ACO1: variants seen among roughly 807,000 people sequenced by gnomAD.
ACO1 encodes aconitase 1, also known as cytoplasmic aconitate hydratase.
A neutral mutation model predicts 105.1 loss-of-function variants in ACO1; 78 were observed. That is an observed-to-expected ratio of 0.74 (90% confidence interval 0.62 to 0.90). ACO1 has a LOEUF of 0.90. Ranked by LOEUF, ACO1 falls within the 40% of genes least tolerant of loss-of-function variation. The probability of loss-of-function intolerance (pLI) is 0.00; values close to 1 mark genes in which losing one functional copy is unlikely to be tolerated. For synonymous variants in ACO1, 364 were observed against 397.4 expected (o/e 0.92, Z 1.00); for missense variants, 965 against 1,111.1 (o/e 0.87, Z 1.87).
In ACO1 at chr9:32,432,484, G is replaced by A. The variant is rs552676578; in HGVS notation, c.1851+641G>A. 9.2e-5 allele frequency among the ~76,000 whole-genome samples: 14 copies of A among 152,246 alleles called. No homozygotes were observed. In the South Asian group the frequency reaches 2.3e-3, roughly 25 times the overall value. ...GGTGATGTAGGTGTGATGTTCACAC[G>A]CTGCACTCTTCACAAGGTGCTCCTT... On this transcript the variant is annotated intron_variant, in intron 15 of 20. Transcript: ENST00000309951.
rs1300980686 is a variant in ACO1 at position 32,450,213 on chromosome 9, C to G, written c.*102C>G. 2.2e-6 allele frequency: 2 copies of G among 892,176 alleles called. No homozygotes were observed. The highest frequency in any genetic ancestry group is 3.5e-5 in the Admixed American group (2 of 57,352). 55.3% of individuals were successfully genotyped at this position (892,176 alleles called of 1,614,324 possible). On this transcript the variant is annotated 3_prime_UTR_variant, in exon 21 of 21. Transcript: ENST00000309951. ...CTGGCTGCCTCTGGGAGGGGTGCTG[C>G]CTTGTAGATGGAGCAAGTGAGCACT...
chr9:32,433,733 G>A lies in ACO1; in HGVS notation c.1857G>A (p.Val619=). 6.2e-7 allele frequency: 1 copy of A among 1,603,900 alleles called. No homozygotes were observed. The change falls in exon 16 of 21, where the codon GTG becomes GTA. Residue 619 remains valine (V), a synonymous_variant. Transcript: ENST00000309951. ...CCTTTCTTTTCTTTTTTAAGACTGT[G>A]AATGAAAGCTGGAATGCCTTAGCAA... The part of the protein sequence containing the change: ...FKEVYQKIET[V]NESWNALATP...
intron 12 of ACO1, 73 bp downstream of exon 12, chr9:32,427,509 T>C: frequency 1.3e-6 from 2 of 1,575,758 alleles, no homozygotes; most frequent in Non-Finnish European, 1.7e-6. Context: ...TGTGTCACCT[T>C]GTAACAGATG....
intron 15 of ACO1, among the ~76,000 whole-genome samples, chr9:32,432,208 G>A (rs1216061500): frequency 4.6e-5 from 7 of 152,164 alleles, no homozygotes; most frequent in Middle Eastern, 3.4e-3. Context: ...TCCATTGGTC[G>A]AATGCACCTC....
intron 6 of ACO1, among the ~76,000 whole-genome samples, chr9:32,418,772 G>C (rs536195832): frequency 6.6e-6 from 1 of 152,252 alleles, no homozygotes; most frequent in South Asian, 2.1e-4. Context: ...GTTAAAAATA[G>C]AGACTCCCAA....
chr9:32,404,686 C>T (rs1821568414), intron 1 of ACO1, among the ~76,000 whole-genome samples: 1 of 152,164 alleles, frequency 6.6e-6, no homozygotes, highest in Admixed American at 6.5e-5. Context: ...GCCCTGGAGG[C>T]ATTTTGATTG....
intron 15 of ACO1, among the ~76,000 whole-genome samples, chr9:32,432,417 C>T (rs1822259686): frequency 6.6e-6 from 1 of 152,212 alleles, no homozygotes; most frequent in Middle Eastern, 3.4e-3. Flanking sequence ...CTTCTGACTG[C>T]GGCTGATGGT....
rs145607545 is a variant in ACO1, at chr9:32,403,917, G to A, written c.-22-1568G>A. Reference sequence around the variant, plus strand: ...TTTGAGGGTGAAAAAGGTAAGTCTGGGGAGTATAGCATGGGTGACAAATGA... The same window carrying A: ...TTTGAGGGTGAAAAAGGTAAGTCTGAGGAGTATAGCATGGGTGACAAATGA... On this transcript the variant is annotated intron_variant, in intron 1 of 20. Coordinates refer to ENST00000309951, the MANE Select transcript of ACO1 (RefSeq NM_002197.3). Among the ~76,000 whole-genome samples, 453 of 152,266 alleles carry A rather than the reference G, an allele frequency of 3.0e-3. 2 individuals are homozygous for A. Among genetic ancestry groups the A allele is most frequent in the African/African-American group, 0.01 (427 of 41,554 alleles).
At position 32,440,544 on chromosome 9, in the gene ACO1, C is replaced by G. The variant is rs1822455703; in HGVS notation, c.2327C>G (p.Ala776Gly). The G allele has an allele frequency of 6.2e-7, 1 of 1,613,910 alleles. No individual in the cohort carries two copies. Among genetic ancestry groups the G allele is most frequent in the Non-Finnish European group, 8.5e-7 (1 of 1,179,964 alleles). The change falls in exon 19 of 21, where the codon GCA becomes GGA. Residue 776 changes from alanine (A) to glycine (G), a missense_variant. Transcript: ENST00000309951. ...LIVLAGKEYG[A>G]GSSRDWAAKG... ...GTTCTGGCTGGCAAAGAGTACGGTG[C>G]AGGCAGCTCCCGAGACTGGGCAGCT...
At chr9:32,420,173 CTG>C (rs568994330) in intron 7 of ACO1, among the ~76,000 whole-genome samples, 355 of 104,492 alleles carry the variant, frequency 3.4e-3, no homozygotes, top group South Asian at 0.012. Flanking sequence ...AAGTCAGTCA[CTG>C]TGGCCTCACT....
chr9:32,417,656 G>C (rs1821879565), intron 4 of ACO1, among the ~76,000 whole-genome samples: 1 of 152,174 alleles, frequency 6.6e-6, no homozygotes. Context: ...GATTCTATAA[G>C]GTACTGATCC....
At chr9:32,405,865 A>G (rs575181171) in intron 2 of ACO1, among the ~76,000 whole-genome samples, 17 of 152,302 alleles carry the variant, frequency 1.1e-4, no homozygotes, top group African/African-American at 2.4e-4. Context: ...TAACAACCCT[A>G]TGGGGTCATG....
intron 1 of ACO1, among the ~76,000 whole-genome samples, chr9:32,397,839 T>G (rs1030236001): frequency 6.6e-5 from 10 of 152,180 alleles, no homozygotes; most frequent in African/African-American, 2.4e-4. Context: ...TTCTCTTGTT[T>G]GCATAGACTT....
intron 18 of ACO1, 90 bp from the exon 19 acceptor site, chr9:32,440,375 C>T (rs1822450171): frequency 6.6e-7 from 1 of 1,511,616 alleles, no homozygotes; most frequent in African/African-American, 1.4e-5. Context: ...TCTGCAAACC[C>T]ATCCAGCCCC....
chr9:32,396,016 G>C (rs1168366686), intron 1 of ACO1, among the ~76,000 whole-genome samples: 1 of 152,202 alleles, frequency 6.6e-6, no homozygotes, highest in Non-Finnish European at 1.5e-5. Context: ...GCTATAGCGT[G>C]GCCCTGGTTC....
chr9:32,392,237 A>G (rs1821281319), intron 1 of ACO1, among the ~76,000 whole-genome samples: 2 of 152,206 alleles, frequency 1.3e-5, no homozygotes, highest in African/African-American at 4.8e-5. Context: ...AGCATGGTGC[A>G]AGAGAGTTGG....
At chr9:32,384,987 T>C (rs1272163783) in intron 1 of ACO1, among the ~76,000 whole-genome samples, 1 of 152,220 alleles carries the variant, frequency 6.6e-6, no homozygotes. Flanking sequence ...CCTAGACCCT[T>C]CTTAGCCTTG....
intron 19 of ACO1, among the ~76,000 whole-genome samples, 179 bp from the exon 20 acceptor site, chr9:32,448,717 G>A (rs1822680301): frequency 1.3e-5 from 2 of 152,172 alleles, no homozygotes; most frequent in African/African-American, 2.4e-5. Flanking sequence ...GAGATGAACC[G>A]GGTACCTCAG....
chr9:32,397,798 G>A (rs567307939), intron 1 of ACO1, among the ~76,000 whole-genome samples: 5 of 152,172 alleles, frequency 3.3e-5, no homozygotes, highest in South Asian at 2.1e-4. Context: ...AAACAGAAGG[G>A]CAAACCACAT....
Sources: allele counts gnomAD v4.1 joint callset (sites outside exome capture counted in the v4.1 genomes callset), GRCh38; gene constraint gnomAD v4.1.1; transcripts MANE v1.5; gene names NCBI Gene and HGNC (gene_info 2026-07-23, HGNC 2026-07-21).